MAGI2: variants seen among roughly 807,000 people sequenced by gnomAD.
MAGI2 encodes membrane-associated guanylate kinase, WW and PDZ domain-containing protein 2.
A neutral mutation model predicts 133.3 loss-of-function variants in MAGI2; 35 were observed. That is an observed-to-expected ratio of 0.26 (90% CI 0.20 to 0.35). MAGI2 has a LOEUF of 0.35. Among genes scored for constraint, MAGI2 ranks in the 10% least tolerant of loss-of-function variants. The pLI, the probability that MAGI2 is intolerant of heterozygous loss-of-function variation, is 1.00. For synonymous variants in MAGI2, 729 were observed against 710.6 expected (o/e 1.03, Z -0.41); for missense variants, 1,636 against 1,863.4 (o/e 0.88, Z 2.25).
At chr7:78,361,433 C>G (rs1004318949) in intron 7 of MAGI2, among the ~76,000 whole-genome samples, 3 of 150,090 alleles carry the variant, frequency 2.0e-5, no homozygotes, top group Non-Finnish European at 2.9e-5. Context: ...AACCCCCCTC[C>G]CCCCCACAAA....
intron 2 of MAGI2, among the ~76,000 whole-genome samples, chr7:78,928,611 A>T (rs1225167462): frequency 6.6e-6 from 1 of 152,118 alleles, no homozygotes; most frequent in Non-Finnish European, 1.5e-5. Flanking sequence ...CCAATTAAAT[A>T]GAAGCAAGGT....
At chr7:78,147,022 C>T (rs1235400105) in intron 16 of MAGI2, among the ~76,000 whole-genome samples, 3 of 152,166 alleles carry the variant, frequency 2.0e-5, no homozygotes, top group Non-Finnish European at 1.5e-5. Context: ...GATACTAACC[C>T]AGGCAAATGA....
intron 2 of MAGI2, among the ~76,000 whole-genome samples, chr7:78,786,084 C>T (rs553109703): frequency 6.6e-6 from 1 of 151,964 alleles, no homozygotes; most frequent in African/African-American, 2.4e-5. Context: ...CCCCCCACAA[C>T]CCCTGATAGA....
At chr7:78,340,934 ATAG>A (rs1790304277) in intron 9 of MAGI2, among the ~76,000 whole-genome samples, 1 of 152,230 alleles carries the variant, frequency 6.6e-6, no homozygotes, top group African/African-American at 2.4e-5. Context: ...CCTATTCAAC[ATAG>A]TATTGGAAGT....
At chr7:79,155,301 A>G (rs182665218) in intron 1 of MAGI2, among the ~76,000 whole-genome samples, 6 of 152,276 alleles carry the variant, frequency 3.9e-5, no homozygotes, top group Admixed American at 6.5e-5. Context: ...TCATGTACTC[A>G]TCCAAGTATT....
intron 20 of MAGI2, among the ~76,000 whole-genome samples, chr7:78,089,665 G>A (rs1243815533): frequency 1.3e-5 from 2 of 152,170 alleles, no homozygotes; most frequent in African/African-American, 4.8e-5. Context: ...AATTGCCTAA[G>A]ATGTCAGAGT....
chr7:78,469,872 T>G (rs533861282), intron 6 of MAGI2, among the ~76,000 whole-genome samples: 1 of 152,298 alleles, frequency 6.6e-6, no homozygotes, highest in Admixed American at 6.5e-5. Context: ...AAGGAAATCC[T>G]TTCTTTATTT....
At chr7:78,972,966 C>T (rs1054165465) in intron 2 of MAGI2, among the ~76,000 whole-genome samples, 3 of 124,464 alleles carry the variant, frequency 2.4e-5, no homozygotes, top group African/African-American at 5.7e-5. Context: ...CACACACACA[C>T]ACACAGAGTT....
intron 1 of MAGI2, among the ~76,000 whole-genome samples, chr7:79,213,747 C>T (rs1181064806): frequency 1.3e-5 from 2 of 152,042 alleles, no homozygotes; most frequent in East Asian, 3.9e-4. Context: ...ACATTGCTAT[C>T]ACACACAACA....
intron 21 of MAGI2, among the ~76,000 whole-genome samples, chr7:78,067,339 T>C (rs1813939471): frequency 6.6e-6 from 1 of 152,116 alleles, no homozygotes; most frequent in Non-Finnish European, 1.5e-5. Context: ...GCCCAGAGCA[T>C]GGTGGAAATA....
chr7:78,569,737 C>T (rs1289775520), intron 3 of MAGI2, among the ~76,000 whole-genome samples: 1 of 152,106 alleles, frequency 6.6e-6, no homozygotes, highest in Non-Finnish European at 1.5e-5. Context: ...ACAAAGGAAA[C>T]ACCCACATGA....
chr7:78,741,600 A>T (rs1291255839), intron 2 of MAGI2, among the ~76,000 whole-genome samples: 1 of 152,130 alleles, frequency 6.6e-6, no homozygotes. Flanking sequence ...TGTTAATAAT[A>T]AATAGTACAG....
intron 1 of MAGI2, among the ~76,000 whole-genome samples, chr7:79,339,230 A>G (rs1171990317): frequency 6.6e-6 from 1 of 152,156 alleles, no homozygotes; most frequent in East Asian, 1.9e-4. Context: ...CAAATTGTCA[A>G]ACATTTCTAT....
intron 1 of MAGI2, among the ~76,000 whole-genome samples, chr7:79,298,155 A>C (rs144542837): frequency 1.3e-5 from 2 of 152,194 alleles, no homozygotes; most frequent in African/African-American, 4.8e-5. Flanking sequence ...TTAGTTTAAA[A>C]ATATTTGCCG....
chr7:78,603,860 C>T (rs983009377), intron 3 of MAGI2, among the ~76,000 whole-genome samples: 1 of 152,100 alleles, frequency 6.6e-6, no homozygotes, highest in African/African-American at 2.4e-5. Context: ...GAAACCTATA[C>T]AATGAGACCT....
rs1237807866 is a variant in MAGI2 at position 78,909,602 on chromosome 7, C to CAA, written c.418+97486_418+97487dup. On this transcript the variant is annotated intron_variant, in intron 2 of 21. Transcript: ENST00000354212. ...TGGGCTACAGAGTGAGACTCCATCT[C>CAA]AAAAAAAAAAAAAAAAAAAAAAAAG... is the stretch of plus-strand genomic sequence containing the variant. Among the ~76,000 whole-genome samples, 315 of 41,924 alleles carry CAA rather than the reference C, an allele frequency of 7.5e-3. 2 individuals are homozygous for CAA. The highest frequency in any genetic ancestry group is 8.0e-3 in the Non-Finnish European group (187 of 23,404). 27.5% of individuals were successfully genotyped at this position (41,924 alleles called of 152,430 possible). A position where few individuals can be genotyped will look rare whatever the true frequency, so the allele number is the denominator to read the frequency against.
chr7:78,085,068 C>T (rs1816469522), intron 20 of MAGI2, among the ~76,000 whole-genome samples: 1 of 152,120 alleles, frequency 6.6e-6, no homozygotes, highest in Non-Finnish European at 1.5e-5. Flanking sequence ...GGCACAGGAG[C>T]CCATAAAATT....
chr7:78,246,503 G>A (rs992946441), intron 10 of MAGI2, among the ~76,000 whole-genome samples: 3 of 152,130 alleles, frequency 2.0e-5, no homozygotes, highest in Admixed American at 1.3e-4. Context: ...AAAACAACTA[G>A]TACCCTCCTT....
At chr7:78,708,199 T>C (rs775468410) in intron 2 of MAGI2, among the ~76,000 whole-genome samples, 5 of 152,170 alleles carry the variant, frequency 3.3e-5, no homozygotes, top group Non-Finnish European at 7.4e-5. Context: ...TCAACTAAAA[T>C]TTTCTTCATT....
Sources: allele counts gnomAD v4.1 joint callset (sites outside exome capture counted in the v4.1 genomes callset), GRCh38; gene constraint gnomAD v4.1.1; transcripts MANE v1.5; gene names NCBI Gene and HGNC (gene_info 2026-07-23, HGNC 2026-07-21).